The following ABI3BP variants were observed in gnomAD, a reference collection of about 807,000 sequenced individuals.
ABI3BP encodes target of Nesh-SH3.
A neutral mutation model predicts 268.6 loss-of-function variants in ABI3BP; 216 were observed. That is an observed-to-expected ratio of 0.80 (90% CI 0.72 to 0.90). The LOEUF (loss-of-function observed/expected upper bound fraction) is 0.90, where lower values mean the gene tolerates loss of function less well. Ranked by LOEUF, ABI3BP falls within the 40% of genes least tolerant of loss-of-function variation. ABI3BP has a pLI of 0.00. For missense variants in ABI3BP, 2,090 were observed against 2,182.4 expected (o/e 0.96, Z 0.84); for synonymous variants, 730 against 730.0 (o/e 1.00, Z 0.00).
At chr3:100,920,606 A>G (rs2059936836) in intron 2 of ABI3BP, among the ~76,000 whole-genome samples, 1 of 151,788 alleles carries the variant, frequency 6.6e-6, no homozygotes, top group Non-Finnish European at 1.5e-5. Flanking sequence ...CATTTTTAGT[A>G]ATGACAGGGT....
chr3:100,751,777 C>A (rs1232270044), intron 66 of ABI3BP, 103 bp from the exon 67 acceptor site: 10 of 1,201,584 alleles, frequency 8.3e-6, no homozygotes, highest in South Asian at 1.7e-5. Context: ...CCCTCATTCT[C>A]TATTACCCTA....
chr3:100,863,029 C>A, intron 12 of ABI3BP, 120 bp from the exon 13 acceptor site: 2 of 657,784 alleles, frequency 3.0e-6, no homozygotes, highest in Non-Finnish European at 5.2e-6. Flanking sequence ...GTTAAGAGAC[C>A]ATTAGTAGTA....
rs923085296 is a variant in ABI3BP at position 100,843,588 on chromosome 3, G to A, written c.1724-1549C>T. On this transcript the variant is annotated intron_variant, in intron 20 of 67. Coordinates refer to ENST00000471714, the MANE Select transcript of ABI3BP (RefSeq NM_001375547.2). ...GAGAGGGAAGGGGAGAAGAAAGAGT[G>A]TCTGGGAGATGGAGAGAGAGAGGAG... is the stretch of plus-strand genomic sequence containing the variant. The A allele has an allele frequency of 5.1e-6, 5 of 982,504 alleles. No homozygotes were observed. The African/African-American group carries it at 8.8e-5, about 17-fold the overall frequency. The allele number at this position is 982,504 out of a possible 1,614,324, so 60.9% of individuals were successfully genotyped here.
intron 1 of ABI3BP, among the ~76,000 whole-genome samples, chr3:100,932,529 T>C (rs1412386833): frequency 3.3e-5 from 5 of 151,968 alleles, no homozygotes; most frequent in South Asian, 2.1e-4. Context: ...TTTTAAAAAA[T>C]AGGCAAATCA....
At position 100,750,590 on chromosome 3, in the gene ABI3BP, G is replaced by A. The variant is rs755110645; in HGVS notation, c.5266C>T (p.Gln1756Ter). 1.9e-6 allele frequency: 3 copies of A among 1,612,474 alleles called. No homozygotes were observed. Among genetic ancestry groups the A allele is most frequent in the Non-Finnish European group, 2.5e-6 (3 of 1,179,088 alleles). Residue 1756 changes from glutamine (Q) to a stop codon, truncating the protein, a stop_gained, in exon 68 of 68, where the codon CAG becomes TAG. Transcript: ENST00000471714. LOFTEE classifies it high-confidence loss of function. ...ATTTCTCCAAATTGGACAGGTTCCT[G>A]GCGAACTGCTCTGAAATAACCTGAG... is the stretch of plus-strand genomic sequence containing the variant. ...IKEGYFRAVR[Q>*]EPVQFGEIGG...
At chr3:100,789,346 T>C (rs941108545) in intron 56 of ABI3BP, 108 bp downstream of exon 56, 6 of 995,220 alleles carry the variant, frequency 6.0e-6, no homozygotes, top group Non-Finnish European at 9.1e-6. Context: ...TCTCTGTACA[T>C]CTCTTATTGC....
intron 40 of ABI3BP, 139 bp from the exon 41 acceptor site, chr3:100,818,720 T>C: frequency 1.4e-6 from 1 of 732,716 alleles, no homozygotes; most frequent in South Asian, 1.9e-5. Flanking sequence ...CTTGGCCATC[T>C]TATAGCCAGA....
At chr3:100,777,485 A>G (rs2096737870) in intron 59 of ABI3BP, among the ~76,000 whole-genome samples, 1 of 152,214 alleles carries the variant, frequency 6.6e-6, no homozygotes, top group Non-Finnish European at 1.5e-5. Context: ...ATTCAGAGAA[A>G]AAAAACCAAG....
intron 10 of ABI3BP, 21 bp from the exon 11 acceptor site, chr3:100,864,928 C>G: frequency 6.3e-7 from 1 of 1,579,712 alleles, no homozygotes; most frequent in Non-Finnish European, 8.6e-7. Flanking sequence ...AAAAGCACAA[C>G]TTTACAAATT....
At chr3:100,916,526 G>A (rs1275995800) in intron 2 of ABI3BP, among the ~76,000 whole-genome samples, 1 of 152,090 alleles carries the variant, frequency 6.6e-6, no homozygotes, top group Non-Finnish European at 1.5e-5. Flanking sequence ...AACCTCTTGG[G>A]GACTCACTGT....
At chr3:100,885,391 A>G (rs1561264599) in intron 6 of ABI3BP, 145 bp downstream of exon 6, 1 of 456,438 alleles carries the variant, frequency 2.2e-6, no homozygotes. Context: ...TAAGAAAAAG[A>G]AACTAATTCC....
chr3:100,813,236 A>G (rs1044263973), intron 45 of ABI3BP, among the ~76,000 whole-genome samples: 8 of 152,178 alleles, frequency 5.3e-5, no homozygotes, highest in African/African-American at 1.9e-4. Context: ...TTTTTGTGGA[A>G]ATTTTATTAT....
At chr3:100,959,488 T>A (rs2153812181) in intron 1 of ABI3BP, among the ~76,000 whole-genome samples, 6 of 31,722 alleles carry the variant, frequency 1.9e-4, no homozygotes, top group South Asian at 8.8e-4. Flanking sequence ...AGACTCCGTC[T>A]CAAAAAAAAA....
At chr3:100,768,850 TG>T (rs1296725502) in intron 62 of ABI3BP, among the ~76,000 whole-genome samples, 4 of 152,214 alleles carry the variant, frequency 2.6e-5, no homozygotes, top group Non-Finnish European at 5.9e-5. Context: ...ACTAACAACT[TG>T]AAGTTGCCCA....
intron 1 of ABI3BP, among the ~76,000 whole-genome samples, chr3:100,935,203 C>T (rs2065515473): frequency 6.6e-6 from 1 of 152,136 alleles, no homozygotes; most frequent in Non-Finnish European, 1.5e-5. Flanking sequence ...TATGGCTAGC[C>T]AGTTTTCCCA....
rs1309495674 is a variant in ABI3BP, at chr3:100,774,794, T to G, written c.4463-121A>C. On this transcript the variant is annotated intron_variant, in intron 60 of 67. Transcript: ENST00000471714. ...CTTGTAAACTGCTTGCAGTTTTGAT[T>G]TTTTAAAATTATACATATTCATCCA... is the stretch of plus-strand genomic sequence containing the variant. The G allele has an allele frequency of 1.0e-5, 8 of 801,996 alleles. No individual in the cohort carries two copies. The East Asian group carries it at 2.2e-4, about 22-fold the overall frequency. The allele number at this position is 801,996 out of a possible 1,614,324, so 49.7% of individuals were successfully genotyped here.
intron 1 of ABI3BP, among the ~76,000 whole-genome samples, chr3:100,986,046 G>C (rs568660898): frequency 6.6e-6 from 1 of 152,128 alleles, no homozygotes; most frequent in Non-Finnish European, 1.5e-5. Context: ...AGAAGTGATG[G>C]GTTGTCACTT....
intron 63 of ABI3BP, among the ~76,000 whole-genome samples, chr3:100,761,323 AAAAC>A (rs1260770864): frequency 6.6e-6 from 1 of 152,146 alleles, no homozygotes; most frequent in Non-Finnish European, 1.5e-5. Context: ...TCATTTGACT[AAAAC>A]AATCACATCT....
chr3:100,856,733 T>G (rs188549038), intron 14 of ABI3BP, among the ~76,000 whole-genome samples: 14 of 152,304 alleles, frequency 9.2e-5, no homozygotes, highest in African/African-American at 3.4e-4. Context: ...TTAACACTTA[T>G]GGCATTATCA....
Sources: allele counts gnomAD v4.1 joint callset (sites outside exome capture counted in the v4.1 genomes callset), GRCh38; gene constraint gnomAD v4.1.1; transcripts MANE v1.5; gene names NCBI Gene and HGNC (gene_info 2026-07-23, HGNC 2026-07-21).